The following SPIRE1 variants were observed in gnomAD, a reference collection of about 807,000 sequenced individuals.
SPIRE1 encodes spire type actin nucleation factor 1.
A neutral mutation model predicts 94.1 loss-of-function variants in SPIRE1; 40 were observed. The observed-to-expected ratio is 0.43, with a 90% confidence interval of 0.33 to 0.55. The LOEUF (loss-of-function observed/expected upper bound fraction) is 0.55. Among genes scored for constraint, SPIRE1 ranks in the 20% least tolerant of loss-of-function variants. The pLI, the probability that SPIRE1 is intolerant of heterozygous loss-of-function variation, is 0.06. For missense variants in SPIRE1, 838 were observed against 975.2 expected (o/e 0.86, Z 1.87); for synonymous variants, 376 against 371.7 (o/e 1.01, Z -0.13).
At chr18:12,477,074 G>A (rs2032632509) in intron 10 of SPIRE1, among the ~76,000 whole-genome samples, 1 of 152,012 alleles carries the variant, frequency 6.6e-6, no homozygotes, top group African/African-American at 2.4e-5. Context: ...TTTGGATTTG[G>A]GGCATTACCA....
intron 2 of SPIRE1, among the ~76,000 whole-genome samples, chr18:12,634,172 C>T (rs537606996): frequency 8.7e-4 from 132 of 151,892 alleles, no homozygotes; most frequent in Non-Finnish European, 1.5e-3. Context: ...GGCGTGAACC[C>T]GGGAGGCGGA....
intron 6 of SPIRE1, among the ~76,000 whole-genome samples, chr18:12,497,053 G>C (rs1197079887): frequency 1.3e-5 from 2 of 151,910 alleles, no homozygotes; most frequent in African/African-American, 4.8e-5. Context: ...AGGCAACAGA[G>C]CAAGACTCTG....
intron 2 of SPIRE1, among the ~76,000 whole-genome samples, chr18:12,547,690 C>A (rs543130849): frequency 1.3e-5 from 2 of 152,256 alleles, no homozygotes; most frequent in African/African-American, 4.8e-5. Flanking sequence ...GCCTGTAATC[C>A]CAGCACTTTG....
intron 8 of SPIRE1, among the ~76,000 whole-genome samples, chr18:12,490,566 A>T (rs2033197284): frequency 6.6e-6 from 1 of 152,258 alleles, no homozygotes; most frequent in African/African-American, 2.4e-5. Context: ...TGAATCCATC[A>T]GCACAATAAA....
intron 3 of SPIRE1, among the ~76,000 whole-genome samples, chr18:12,539,459 G>C (rs2034944772): frequency 6.6e-6 from 1 of 151,908 alleles, no homozygotes; most frequent in Non-Finnish European, 1.5e-5. Flanking sequence ...TTTCTTCCCA[G>C]TTTTAGGTTA....
At chr18:12,578,918 T>C (rs969345264) in intron 2 of SPIRE1, among the ~76,000 whole-genome samples, 7 of 152,086 alleles carry the variant, frequency 4.6e-5, no homozygotes, top group African/African-American at 1.4e-4. Flanking sequence ...TCACAGTAAA[T>C]TGTACTTCAA....
intron 2 of SPIRE1, among the ~76,000 whole-genome samples, chr18:12,592,127 A>AC (rs2144592820): frequency 6.6e-6 from 1 of 152,282 alleles, no homozygotes; most frequent in South Asian, 2.1e-4. Context: ...ACCGAGCTGT[A>AC]AGTCATCAGC....
intron 5 of SPIRE1, among the ~76,000 whole-genome samples, chr18:12,512,102 T>G (rs111781809): frequency 0.16 from 23,626 of 152,114 alleles, 2,315 homozygotes; most frequent in African/African-American, 0.26. Flanking sequence ...AGGTGGCTCA[T>G]GCCTGTAATC....
intron 4 of SPIRE1, among the ~76,000 whole-genome samples, chr18:12,514,687 C>T (rs1394892093): frequency 2.6e-5 from 4 of 152,110 alleles, no homozygotes; most frequent in Middle Eastern, 3.2e-3. Flanking sequence ...CCTCTAAATT[C>T]AGAATCCCCT....
At chr18:12,635,829 C>T (rs566541650) in intron 1 of SPIRE1, among the ~76,000 whole-genome samples, 2 of 151,732 alleles carry the variant, frequency 1.3e-5, no homozygotes, top group East Asian at 3.9e-4. Context: ...ACAAAAAGAA[C>T]GAATAACACA....
intron 10 of SPIRE1, among the ~76,000 whole-genome samples, chr18:12,467,972 A>G (rs921710842): frequency 1.3e-5 from 2 of 152,076 alleles, no homozygotes; most frequent in Non-Finnish European, 2.9e-5. Flanking sequence ...AAAAAGAAAT[A>G]TTTTTAAAGT....
chr18:12,657,606 C>T lies in SPIRE1; in HGVS notation c.261G>A (p.Gln87=). The change falls in exon 1 of 17, where the codon CAG becomes CAA. Residue 87 remains glutamine, a synonymous_variant. Coordinates refer to ENST00000409402, the MANE Select transcript of SPIRE1 (RefSeq NM_001128626.2). ...QPRHRVRSAA[Q]IRVWRDGAVT... ...CGGCGCCGTCCCTCCAGACGCGGAT[C>T]TGCGCGGCCGAGCGCACACGGTGGC... 6 of 1,277,672 alleles carry T rather than the reference C, an allele frequency of 4.7e-6. No homozygotes were observed. The highest frequency in any genetic ancestry group is 5.9e-6 in the Non-Finnish European group (6 of 1,016,158). The allele number at this position is 1,277,672 out of a possible 1,614,324, so 79.1% of individuals were successfully genotyped here. A position where few individuals can be genotyped will look rare whatever the true frequency, so the allele number is the denominator to read the frequency against.
chr18:12,598,038 C>T (rs979999020), intron 2 of SPIRE1, among the ~76,000 whole-genome samples: 1 of 152,184 alleles, frequency 6.6e-6, no homozygotes, highest in African/African-American at 2.4e-5. Flanking sequence ...AAGAGACTAG[C>T]TTGAGTCACT....
intron 4 of SPIRE1, among the ~76,000 whole-genome samples, chr18:12,532,276 G>A (rs1157940335): frequency 6.6e-6 from 1 of 152,174 alleles, no homozygotes; most frequent in African/African-American, 2.4e-5. Flanking sequence ...TTCAGTAAAT[G>A]CACTTAACAC....
At chr18:12,631,632 T>G (rs182687299) in intron 2 of SPIRE1, among the ~76,000 whole-genome samples, 1 of 150,818 alleles carries the variant, frequency 6.6e-6, no homozygotes, top group Admixed American at 6.6e-5. Flanking sequence ...TCCCAACACT[T>G]TGGGAGGGTG....
At position 12,641,735 on chromosome 18, in the gene SPIRE1, T is replaced by C. The variant is rs540470574; in HGVS notation, c.338-6639A>G. On this transcript the variant is annotated intron_variant, in intron 1 of 16. Coordinates refer to ENST00000409402, the MANE Select transcript of SPIRE1 (RefSeq NM_001128626.2). ...AATCAATGAACAGAACTTCAAAAGT[T>C]AGGACAGTGAAACTACGTATTTATT... Among the ~76,000 whole-genome samples the C allele has an allele frequency of 2.6e-5, 4 of 152,058 alleles. No individual in the cohort carries two copies. The East Asian group carries it at 5.8e-4, about 22-fold the overall frequency.
At chr18:12,463,601 T>C (rs2031965093) in intron 11 of SPIRE1, 108 bp from the exon 12 acceptor site, 2 of 906,090 alleles carry the variant, frequency 2.2e-6, no homozygotes, top group Non-Finnish European at 3.3e-6. Context: ...TTTATTTCAT[T>C]GGAGAGATAT....
intron 2 of SPIRE1, among the ~76,000 whole-genome samples, chr18:12,617,731 CT>C (rs1364477467): frequency 6.6e-6 from 1 of 151,648 alleles, no homozygotes; most frequent in East Asian, 1.9e-4. Context: ...TTATTTTATA[CT>C]TTTAGTAGAG....
intron 4 of SPIRE1, among the ~76,000 whole-genome samples, chr18:12,530,664 T>C (rs1217898838): frequency 1.3e-5 from 2 of 152,170 alleles, no homozygotes; most frequent in Non-Finnish European, 2.9e-5. Context: ...GCAAATGCTA[T>C]TTGATTTTAA....
Sources: allele counts gnomAD v4.1 joint callset (sites outside exome capture counted in the v4.1 genomes callset), GRCh38; gene constraint gnomAD v4.1.1; transcripts MANE v1.5; gene names NCBI Gene and HGNC (gene_info 2026-07-23, HGNC 2026-07-21).